The following WDHD1 variants were observed in gnomAD, a reference collection of about 807,000 sequenced individuals.
WDHD1 encodes the protein WD repeat and HMG-box DNA-binding protein 1.
In WDHD1, 111 loss-of-function variants were observed where a neutral mutation model predicts 135.4. The observed-to-expected ratio is 0.82, with a 90% CI of 0.70 to 0.96. The LOEUF (loss-of-function observed/expected upper bound fraction) is 0.96. Ranked by LOEUF, WDHD1 falls within the 40% of genes least tolerant of loss-of-function variation. WDHD1 has a pLI of 0.00. For missense variants in WDHD1, 1,351 were observed against 1,336.3 expected (o/e 1.01, Z -0.17); for synonymous variants, 434 against 439.0 (o/e 0.99, Z 0.14).
chr14:54,979,454 C>T (rs1279154097), intron 16 of WDHD1, among the ~76,000 whole-genome samples: 1 of 152,300 alleles, frequency 6.6e-6, no homozygotes, highest in African/African-American at 2.4e-5. Flanking sequence ...CCTCGCCTGG[C>T]CCAATAGTCA....
chr14:54,954,481 T>G (rs2041118065), intron 24 of WDHD1, among the ~76,000 whole-genome samples: 1 of 152,212 alleles, frequency 6.6e-6, no homozygotes. Flanking sequence ...GAACCATACA[T>G]GAATCCATCT....
Position 55,017,015 on chromosome 14 carries a change from T to C in WDHD1, c.78-3419A>G, listed in dbSNP as rs528400309. Among the ~76,000 whole-genome samples, 15 of 152,320 alleles carry C rather than the reference T, an allele frequency of 9.8e-5. No individual in the cohort carries two copies. In the South Asian group the frequency reaches 2.9e-3, roughly 29 times the overall value. ...GGAGTTTTAAATAGAAAATCGCCCG[T>C]ATTAATTCCAATAATAGTTTAGTTT... On this transcript the variant is annotated intron_variant, in intron 2 of 25. Transcript: ENST00000360586.
intron 25 of WDHD1, among the ~76,000 whole-genome samples, chr14:54,943,403 T>C (rs567210958): frequency 6.6e-6 from 1 of 152,288 alleles, no homozygotes; most frequent in East Asian, 1.9e-4. Flanking sequence ...TATTAATTTT[T>C]TTCCCCCTAG....
intron 13 of WDHD1, among the ~76,000 whole-genome samples, chr14:54,988,802 C>G (rs574391043): frequency 3.3e-4 from 50 of 150,840 alleles, no homozygotes; most frequent in African/African-American, 1.2e-3. Context: ...CTAACTATGC[C>G]ATGTCATTTT....
chr14:54,942,010 G>C (rs777198934), intron 25 of WDHD1, among the ~76,000 whole-genome samples: 2 of 152,034 alleles, frequency 1.3e-5, no homozygotes, highest in Non-Finnish European at 2.9e-5. Context: ...CAGCACTTTG[G>C]GAGGCCGAGG....
chr14:55,006,153 C>T (rs1234117353), intron 7 of WDHD1, among the ~76,000 whole-genome samples: 8 of 152,196 alleles, frequency 5.3e-5, no homozygotes, highest in African/African-American at 1.7e-4. Flanking sequence ...TGTGAGCCAC[C>T]ACACATAGGC....
At position 54,991,147 on chromosome 14, in the gene WDHD1, A is replaced by T. The variant is rs961416899; in HGVS notation, c.1341+66T>A. The T allele has an allele frequency of 3.5e-6, 3 of 863,888 alleles. No individual in the cohort carries two copies. The African/African-American group carries it at 5.1e-5, about 15-fold the overall frequency. The allele number at this position is 863,888 out of a possible 1,614,324, so 53.5% of individuals were successfully genotyped here. The stretch of plus-strand genomic sequence containing the variant: ...TTAAAAATATGTTTTATCCAAAAAA[A>T]TTAACTATAGTAAGAAAAAAGTGCT... On this transcript the variant is annotated intron_variant, in intron 12 of 25. Transcript: ENST00000360586.
chr14:54,961,375 C>A (rs1357152634), intron 21 of WDHD1, among the ~76,000 whole-genome samples: 1 of 152,150 alleles, frequency 6.6e-6, no homozygotes, highest in Non-Finnish European at 1.5e-5. Context: ...ATGGCCTACA[C>A]AGATCTGCAT....
chr14:54,941,690 C>T lies in WDHD1; in HGVS notation c.3190G>A (p.Val1064Met), dbSNP rs1476181672. Residue 1064 changes from valine to methionine, a missense_variant and splice_region_variant, in exon 26 of 26, where the codon GTG (valine) becomes ATG (methionine). Val to Met is a conservative substitution (Grantham distance 21, BLOSUM62 1). Coordinates refer to ENST00000360586, the MANE Select transcript of WDHD1 (RefSeq NM_007086.4). The part of the protein sequence containing the change: ...FRVLSTEERK[V>M]WANKAKGETA... Reference sequence around the variant, plus strand: ...TCTCCTTTGGCTTTGTTAGCCCACACCTTTGTAAAATGGCAGGAGTGAAAA... The same window carrying T: ...TCTCCTTTGGCTTTGTTAGCCCACATCTTTGTAAAATGGCAGGAGTGAAAA... 2 of 1,602,830 alleles carry T rather than the reference C, an allele frequency of 1.2e-6. No individual in the cohort carries two copies. Among genetic ancestry groups the T allele is most frequent in the East Asian group, 2.2e-5 (1 of 44,762 alleles).
At chr14:54,997,521 A>C (rs975710019) in intron 10 of WDHD1, among the ~76,000 whole-genome samples, 2 of 152,200 alleles carry the variant, frequency 1.3e-5, no homozygotes, top group Admixed American at 1.3e-4. Flanking sequence ...TAAATTAATA[A>C]CTAAGTGCTA....
chr14:55,003,832 G>A (rs2042018580), intron 7 of WDHD1, among the ~76,000 whole-genome samples: 2 of 151,304 alleles, frequency 1.3e-5, no homozygotes, highest in South Asian at 2.1e-4. Flanking sequence ...CCAAAGTGCT[G>A]GGATTATAGG....
intron 16 of WDHD1, among the ~76,000 whole-genome samples, chr14:54,968,895 A>T (rs1270724056): frequency 6.6e-6 from 1 of 152,180 alleles, no homozygotes; most frequent in Admixed American, 6.5e-5. Context: ...TTTAAAGATT[A>T]GCCAGGTGTG....
chr14:54,954,320 T>C (rs923390507), intron 24 of WDHD1, among the ~76,000 whole-genome samples: 2 of 151,860 alleles, frequency 1.3e-5, no homozygotes, highest in Non-Finnish European at 2.9e-5. Flanking sequence ...AAATCCAGCA[T>C]AGTAGAGATC....
intron 21 of WDHD1, among the ~76,000 whole-genome samples, chr14:54,959,411 G>C (rs2041212325): frequency 7.0e-6 from 1 of 143,024 alleles, no homozygotes; most frequent in Non-Finnish European, 1.6e-5. Flanking sequence ...AGAGGAGGGA[G>C]GGAGGGAGGG....
intron 24 of WDHD1, among the ~76,000 whole-genome samples, chr14:54,947,663 C>T (rs2040951380): frequency 6.6e-6 from 1 of 152,042 alleles, no homozygotes; most frequent in South Asian, 2.1e-4. Flanking sequence ...ACAATCTTGG[C>T]TCATTGCAGC....
chr14:54,984,574 G>C, intron 15 of WDHD1, 149 bp downstream of exon 15: 1 of 670,364 alleles, frequency 1.5e-6, no homozygotes. Flanking sequence ...TCCCAGTTCT[G>C]CCAACATATT....
intron 16 of WDHD1, among the ~76,000 whole-genome samples, chr14:54,973,217 G>C (rs561062033): frequency 6.6e-6 from 1 of 152,202 alleles, no homozygotes; most frequent in Non-Finnish European, 1.5e-5. Context: ...TTAATTTATA[G>C]TATAGCCTTT....
chr14:54,952,667 A>G (rs1206014701), intron 24 of WDHD1, among the ~76,000 whole-genome samples: 1 of 152,220 alleles, frequency 6.6e-6, no homozygotes, highest in Non-Finnish European at 1.5e-5. Context: ...GGAACCAAAA[A>G]AGAGCCCGCA....
At chr14:54,962,394 AC>A in intron 21 of WDHD1, 103 bp downstream of exon 21, 1 of 845,910 alleles carries the variant, frequency 1.2e-6, no homozygotes, top group South Asian at 1.4e-5. Flanking sequence ...ACACACACAC[AC>A]CAAAAGTGGC....
Sources: gnomAD v4.1 joint callset for allele counts (sites outside exome capture counted in the v4.1 genomes callset) on GRCh38, gnomAD v4.1.1 for gene constraint, MANE v1.5 for transcripts, NCBI Gene and HGNC (gene_info 2026-07-23, HGNC 2026-07-21) for gene names.